The following ZNF804B variants were observed in gnomAD, a reference collection of about 807,000 sequenced individuals.
The protein encoded by ZNF804B is zinc finger protein 804B, also known as zinc finger 804B.
ZNF804B carries 80 observed loss-of-function variants against 101.4 expected under a neutral mutation model. The ratio of observed to expected loss-of-function variants is 0.79; its 90% CI spans 0.66 to 0.95. ZNF804B has a LOEUF of 0.95. Among genes scored for constraint, ZNF804B ranks in the 40% least tolerant of loss-of-function variants. The pLI is 0.00. For synonymous variants in ZNF804B, 622 were observed against 558.8 expected (o/e 1.11, Z -1.59); for missense variants, 1,673 against 1,561.9 (o/e 1.07, Z -1.20).
chr7:88,951,308 A>G (rs543191513), intron 1 of ZNF804B, among the ~76,000 whole-genome samples: 1 of 152,062 alleles, frequency 6.6e-6, no homozygotes, highest in African/African-American at 2.4e-5. Flanking sequence ...GCACTTGCAG[A>G]CATTGCTTCA....
intron 1 of ZNF804B, among the ~76,000 whole-genome samples, chr7:88,992,261 C>T (rs1165139361): frequency 6.6e-6 from 1 of 152,114 alleles, no homozygotes; most frequent in Admixed American, 6.6e-5. Context: ...ATTAACTCTC[C>T]TTTTTCTCTT....
chr7:88,964,124 A>G (rs540283903), intron 1 of ZNF804B, among the ~76,000 whole-genome samples: 31 of 151,574 alleles, frequency 2.0e-4, no homozygotes, highest in African/African-American at 7.2e-4. Context: ...AAAGTGTGGC[A>G]GTTCCTCAGA....
intron 1 of ZNF804B, among the ~76,000 whole-genome samples, chr7:89,152,083 C>A (rs1790886008): frequency 6.6e-6 from 1 of 152,022 alleles, no homozygotes; most frequent in Non-Finnish European, 1.5e-5. Flanking sequence ...CCCTGGTGTT[C>A]CTGTGATTAA....
intron 1 of ZNF804B, among the ~76,000 whole-genome samples, chr7:89,174,835 A>G (rs905578606): frequency 7.2e-5 from 11 of 152,128 alleles, no homozygotes; most frequent in African/African-American, 2.4e-4. Flanking sequence ...TTGCATTCCT[A>G]TGATGTTCAA....
chr7:89,179,125 A>G (rs982913263), intron 1 of ZNF804B, among the ~76,000 whole-genome samples: 3 of 152,086 alleles, frequency 2.0e-5, no homozygotes, highest in African/African-American at 7.2e-5. Flanking sequence ...TGATTACTAA[A>G]TGTTTTGAGG....
chr7:89,226,600 A>G (rs1039754281), intron 2 of ZNF804B, among the ~76,000 whole-genome samples: 3 of 152,070 alleles, frequency 2.0e-5, no homozygotes, highest in Non-Finnish European at 4.4e-5. Context: ...ATCACAAACT[A>G]TGATGTAACA....
At chr7:88,893,484 A>G (rs937581872) in intron 1 of ZNF804B, among the ~76,000 whole-genome samples, 3 of 152,126 alleles carry the variant, frequency 2.0e-5, no homozygotes, top group South Asian at 4.1e-4. Flanking sequence ...GATTTCAAAA[A>G]AATACTATAT....
At chr7:89,326,996 A>G (rs970330222) in intron 2 of ZNF804B, among the ~76,000 whole-genome samples, 1 of 145,880 alleles carries the variant, frequency 6.9e-6, no homozygotes, top group African/African-American at 2.8e-5. Context: ...CATGCATCTC[A>G]TAACCTGCCT....
At chr7:89,217,641 C>T (rs1374755063) in intron 1 of ZNF804B, among the ~76,000 whole-genome samples, 1 of 152,124 alleles carries the variant, frequency 6.6e-6, no homozygotes. Flanking sequence ...TGGACATAAA[C>T]CCATTGGTAA....
chr7:89,192,493 G>A (rs1788472172), intron 1 of ZNF804B, among the ~76,000 whole-genome samples: 3 of 151,926 alleles, frequency 2.0e-5, no homozygotes, highest in East Asian at 1.9e-4. Context: ...CAAATATAGT[G>A]CATGTTCTAT....
At chr7:88,963,910 G>T (rs1243098466) in intron 1 of ZNF804B, among the ~76,000 whole-genome samples, 1 of 151,318 alleles carries the variant, frequency 6.6e-6, no homozygotes, top group Non-Finnish European at 1.5e-5. Flanking sequence ...CCCAACAAAT[G>T]CATGAAAAGA....
intron 2 of ZNF804B, among the ~76,000 whole-genome samples, chr7:89,266,887 G>A (rs912371570): frequency 8.5e-5 from 13 of 152,070 alleles, no homozygotes; most frequent in Non-Finnish European, 1.9e-4. Context: ...TTGTGTGTGT[G>A]TGTGTCTTTG....
chr7:89,044,041 A>G (rs1789061820), intron 1 of ZNF804B, among the ~76,000 whole-genome samples: 1 of 152,198 alleles, frequency 6.6e-6, no homozygotes, highest in Non-Finnish European at 1.5e-5. Flanking sequence ...TTATTATGAC[A>G]AGTGAAATAA....
intron 2 of ZNF804B, among the ~76,000 whole-genome samples, chr7:89,258,584 C>A (rs1428024701): frequency 6.6e-6 from 1 of 152,036 alleles, no homozygotes; most frequent in Admixed American, 6.6e-5. Context: ...TACCCTTGAA[C>A]AAATGGGGGT....
chr7:88,862,628 A>T (rs769127565), intron 1 of ZNF804B, among the ~76,000 whole-genome samples: 3 of 152,182 alleles, frequency 2.0e-5, no homozygotes, highest in Non-Finnish European at 2.9e-5. Flanking sequence ...GAAATACGTG[A>T]TCACTATGTA....
At chr7:89,002,111 T>C (rs1250919493) in intron 1 of ZNF804B, among the ~76,000 whole-genome samples, 4 of 151,674 alleles carry the variant, frequency 2.6e-5, no homozygotes, top group African/African-American at 4.8e-5. Flanking sequence ...ATAACACATA[T>C]ATTTTTAACA....
intron 1 of ZNF804B, among the ~76,000 whole-genome samples, chr7:88,873,898 T>G (rs1228268098): frequency 6.6e-6 from 1 of 152,144 alleles, no homozygotes; most frequent in Non-Finnish European, 1.5e-5. Flanking sequence ...TGAAGTCAGG[T>G]AGCATGATGC....
intron 2 of ZNF804B, among the ~76,000 whole-genome samples, chr7:89,315,513 C>G (rs1790711328): frequency 6.6e-6 from 1 of 151,846 alleles, no homozygotes; most frequent in South Asian, 2.1e-4. Flanking sequence ...ATTGATACAT[C>G]CAAGAAGAGA....
rs1000684140 is a variant in ZNF804B, at chr7:89,330,072, A to G, written c.380+2598A>G. ...ATAAGAATTAAAAACCAAACTCTAC[A>G]GACACTTTATTAACCATTATTTTAA... On this transcript the variant is annotated intron_variant, in intron 3 of 3. Transcript: ENST00000333190. Among the ~76,000 whole-genome samples, 3 of 151,712 alleles carry G rather than the reference A, an allele frequency of 2.0e-5. No individual in the cohort carries two copies. The East Asian group carries it at 5.8e-4, about 29-fold the overall frequency.
Sources: gnomAD v4.1 joint callset for allele counts (sites outside exome capture counted in the v4.1 genomes callset) on GRCh38, gnomAD v4.1.1 for gene constraint, MANE v1.5 for transcripts, NCBI Gene and HGNC (gene_info 2026-07-23, HGNC 2026-07-21) for gene names.